Variants in ZDHHC21 observed in about 807,000 individuals in gnomAD.
The protein encoded by ZDHHC21 is palmitoyltransferase ZDHHC21.
A neutral mutation model predicts 34.6 loss-of-function variants in ZDHHC21; 15 were observed. The ratio of observed to expected loss-of-function variants is 0.43; its 90% CI spans 0.29 to 0.67. The LOEUF (loss-of-function observed/expected upper bound fraction) is 0.67. Ranked by LOEUF, ZDHHC21 falls within the 30% of genes least tolerant of loss-of-function variation. ZDHHC21 has a pLI of 0.14. For missense variants in ZDHHC21, 344 were observed against 327.7 expected, an observed-to-expected ratio of 1.05 and a Z score of -0.38; for synonymous variants, 142 against 101.8, an observed-to-expected ratio of 1.40 and a Z score of -2.38.
chr9:14,641,130 G>C (rs1011313210), intron 7 of ZDHHC21, among the ~76,000 whole-genome samples: 3 of 152,132 alleles, frequency 2.0e-5, no homozygotes, highest in Admixed American at 2.0e-4. Flanking sequence ...AAGGCCACCA[G>C]AGATAGTATG....
intron 5 of ZDHHC21, among the ~76,000 whole-genome samples, chr9:14,665,202 CAG>C (rs1476591273): frequency 7.3e-6 from 1 of 137,672 alleles, no homozygotes; most frequent in African/African-American, 2.8e-5. Context: ...GTGAAGAATG[CAG>C]AAGCCTCAGG....
chr9:14,647,901 A>G (rs879423396), intron 7 of ZDHHC21, among the ~76,000 whole-genome samples: 54 of 152,044 alleles, frequency 3.6e-4, no homozygotes, highest in Admixed American at 2.3e-3. Context: ...AAGCTCCCAA[A>G]TTTATTTATC....
Position 14,612,574 on chromosome 9 carries a change from T to C in ZDHHC21, c.*6392A>G, listed in dbSNP as rs1019511683. 34 of 151,980 alleles carry C rather than the reference T, an allele frequency of 2.2e-4. No homozygotes were observed. The allele number at this position is 151,980 out of a possible 1,614,324, so 9.4% of individuals were successfully genotyped here. On this transcript the variant is annotated 3_prime_UTR_variant, in exon 10 of 10. Transcript: ENST00000380916. ...AATTAGTTTTAAAAATCTTACTCTATGTAAAGTGAGTAACCATATCCAGAC... is the reference window on the plus strand; with the variant it reads ...AATTAGTTTTAAAAATCTTACTCTACGTAAAGTGAGTAACCATATCCAGAC...
intron 8 of ZDHHC21, among the ~76,000 whole-genome samples, chr9:14,625,347 G>A (rs959854957): frequency 1.3e-5 from 2 of 151,852 alleles, no homozygotes; most frequent in Admixed American, 6.6e-5. Flanking sequence ...CTTTTATCAG[G>A]GATCTGAAGT....
chr9:14,648,805 CTG>C (rs919458465), intron 7 of ZDHHC21, among the ~76,000 whole-genome samples: 4 of 151,980 alleles, frequency 2.6e-5, no homozygotes, highest in Admixed American at 2.0e-4. Flanking sequence ...AATAAAAAAA[CTG>C]TGTTTTACAA....
chr9:14,645,104 A>G (rs1414932288), intron 7 of ZDHHC21, among the ~76,000 whole-genome samples: 1 of 152,124 alleles, frequency 6.6e-6, no homozygotes, highest in Non-Finnish European at 1.5e-5. Flanking sequence ...CTTTTTTCTT[A>G]GTATTTAACT....
intron 8 of ZDHHC21, 102 bp downstream of exon 8, chr9:14,639,794 A>G (rs1159013810): frequency 6.3e-6 from 4 of 636,402 alleles, no homozygotes; most frequent in Non-Finnish European, 9.9e-6. Context: ...AGCATGGGTA[A>G]TTTTCTCCTT....
chr9:14,624,998 T>C, intron 8 of ZDHHC21, among the ~76,000 whole-genome samples: 1 of 152,062 alleles, frequency 6.6e-6, no homozygotes, highest in East Asian at 1.9e-4. Flanking sequence ...AGAAAAACTT[T>C]GCCTGCTTTA....
At chr9:14,652,115 T>C (rs1035818766) in intron 7 of ZDHHC21, among the ~76,000 whole-genome samples, 2 of 152,000 alleles carry the variant, frequency 1.3e-5, no homozygotes, top group African/African-American at 4.8e-5. Context: ...ATTGATTTAG[T>C]GATTCTAACA....
In ZDHHC21 at chr9:14,613,504, C is replaced by CTGTATT. The variant is rs1157083807; in HGVS notation, c.*5456_*5461dup. 1.3e-5 allele frequency: 2 copies of CTGTATT among 151,704 alleles called. No individual in the cohort carries two copies. The highest frequency in any genetic ancestry group is 3.0e-5 in the Non-Finnish European group (2 of 67,770). The allele number at this position is 151,704 out of a possible 1,614,324, so 9.4% of individuals were successfully genotyped here. On this transcript the variant is annotated 3_prime_UTR_variant, in exon 10 of 10. Transcript: ENST00000380916. ...TTAACAGCCTGCAAACAATTAAACCCTGTATTTGGTCAAACAGGCAGGCAA... is the reference window on the plus strand; with the variant it reads ...TTAACAGCCTGCAAACAATTAAACCCTGTATTTGTATTTGGTCAAACAGGCAGGCAA...
intron 7 of ZDHHC21, among the ~76,000 whole-genome samples, chr9:14,656,437 T>A (rs1480936760): frequency 2.0e-5 from 3 of 151,908 alleles, no homozygotes; most frequent in Non-Finnish European, 4.4e-5. Flanking sequence ...ATGAATTACT[T>A]CATTCATTGA....
rs148051780 is a variant in ZDHHC21 at position 14,614,679 on chromosome 9, A to G, written c.*4287T>C. The G allele has an allele frequency of 4.3e-4, 65 of 151,912 alleles. No individual in the cohort carries two copies. Among genetic ancestry groups the G allele is most frequent in the African/African-American group, 1.5e-3 (62 of 41,550 alleles). The allele number at this position is 151,912 out of a possible 1,614,324, so 9.4% of individuals were successfully genotyped here. A position where few individuals can be genotyped will look rare whatever the true frequency, so the allele number is the denominator to read the frequency against. ...AGAATAAAAGTTAACAAACTTGGGC[A>G]TTAAATAACACATTCATTAATCATA... On this transcript the variant is annotated 3_prime_UTR_variant, in exon 10 of 10. Coordinates refer to ENST00000380916, the MANE Select transcript of ZDHHC21 (RefSeq NM_178566.6).
intron 5 of ZDHHC21, among the ~76,000 whole-genome samples, chr9:14,672,478 G>C (rs954552795): frequency 6.6e-6 from 1 of 152,038 alleles, no homozygotes; most frequent in Non-Finnish European, 1.5e-5. Context: ...AGATGACAGA[G>C]ACAAGGTTCT....
At chr9:14,676,949 A>C (rs566244358) in intron 3 of ZDHHC21, among the ~76,000 whole-genome samples, 1 of 152,108 alleles carries the variant, frequency 6.6e-6, no homozygotes, top group African/African-American at 2.4e-5. Context: ...ACAGAACATG[A>C]ATTTCACTAA....
chr9:14,631,229 G>C (rs1348770957), intron 8 of ZDHHC21, among the ~76,000 whole-genome samples: 1 of 152,172 alleles, frequency 6.6e-6, no homozygotes, highest in African/African-American at 2.4e-5. Flanking sequence ...TTCTACATCA[G>C]CACTTGCTGC....
intron 7 of ZDHHC21, among the ~76,000 whole-genome samples, chr9:14,649,372 G>T (rs893715962): frequency 5.9e-5 from 9 of 152,032 alleles, no homozygotes; most frequent in African/African-American, 1.9e-4. Flanking sequence ...CATGCTGAGG[G>T]TAGGTTCATA....
chr9:14,598,713 C>T, the ZDHHC21 span, among the ~76,000 whole-genome samples: 2 of 152,040 alleles, frequency 1.3e-5, no homozygotes, highest in African/African-American at 4.8e-5. Flanking sequence ...AATTCATGAT[C>T]TGAATGAGAA....
chr9:14,672,799 C>T, intron 5 of ZDHHC21, 31 bp downstream of exon 5: 1 of 1,463,636 alleles, frequency 6.8e-7, no homozygotes, highest in Non-Finnish European at 9.4e-7. Context: ...ATTCTGGCAT[C>T]AGCAAAACTG....
intron 7 of ZDHHC21, among the ~76,000 whole-genome samples, chr9:14,655,546 T>C (rs1832057754): frequency 1.3e-5 from 2 of 151,874 alleles, no homozygotes; most frequent in East Asian, 1.9e-4. Flanking sequence ...CCCCAAAATA[T>C]GAAAAATGAT....
Sources: gnomAD v4.1 joint callset for allele counts (sites outside exome capture counted in the v4.1 genomes callset) on GRCh38, gnomAD v4.1.1 for gene constraint, MANE v1.5 for transcripts, NCBI Gene and HGNC (gene_info 2026-07-23, HGNC 2026-07-21) for gene names.